FMN2: variants seen among roughly 807,000 people sequenced by gnomAD.
FMN2 encodes the protein formin 2.
Under a neutral mutation model 142.3 loss-of-function variants are expected in FMN2, and 51 were observed. The observed-to-expected ratio is 0.36, with a 90% CI of 0.29 to 0.45. The LOEUF (loss-of-function observed/expected upper bound fraction) is 0.45, where lower values mean the gene tolerates loss of function less well. Among genes scored for constraint, FMN2 ranks in the 20% least tolerant of loss-of-function variants. FMN2 has a pLI of 1.00. For synonymous variants in FMN2, 882 were observed against 869.8 expected (o/e 1.01, Z -0.25); for missense variants, 1,936 against 2,122.8 (o/e 0.91, Z 1.73).
chr1:240,212,425 G>A (rs1397193412), intron 6 of FMN2, among the ~76,000 whole-genome samples: 1 of 152,190 alleles, frequency 6.6e-6, no homozygotes, highest in East Asian at 1.9e-4. Context: ...AATGCTTGTT[G>A]CATTATCACT....
chr1:240,145,136 C>T, intron 2 of FMN2: 1 of 1,484,510 alleles, frequency 6.7e-7, no homozygotes, highest in African/African-American at 1.4e-5. Context: ...ACGAATCTGC[C>T]TTCGCATTTC....
intron 2 of FMN2, among the ~76,000 whole-genome samples, chr1:240,137,400 C>A (rs879617198): frequency 6.6e-6 from 1 of 152,114 alleles, no homozygotes. Context: ...ACGGACAATA[C>A]GCCACTAATA....
At chr1:240,108,963 G>A (rs1017643787) in intron 1 of FMN2, among the ~76,000 whole-genome samples, 1 of 152,128 alleles carries the variant, frequency 6.6e-6, no homozygotes, top group South Asian at 2.1e-4. Context: ...TTGAACCCAG[G>A]AGATGGAGGT....
intron 14 of FMN2, among the ~76,000 whole-genome samples, chr1:240,383,909 A>G (rs1393505245): frequency 6.6e-6 from 1 of 151,690 alleles, no homozygotes; most frequent in Non-Finnish European, 1.5e-5. Context: ...TATATTCTTT[A>G]TATATGGAAT....
chr1:240,466,886 G>A (rs1026104453), intron 16 of FMN2, among the ~76,000 whole-genome samples: 1 of 152,116 alleles, frequency 6.6e-6, no homozygotes, highest in Non-Finnish European at 1.5e-5. Flanking sequence ...AGAAGCCTGC[G>A]ACAACTGAAA....
chr1:240,159,909 A>ATATATATATATATATATATATATCTGTG (rs1558328458), intron 2 of FMN2, among the ~76,000 whole-genome samples: 14 of 78,240 alleles, frequency 1.8e-4, no homozygotes, highest in African/African-American at 1.1e-3. Context: ...ATCTGTGTAT[A>ATATATATATATATATATATATATCTGTG]TATATATATA....
chr1:240,365,572 AT>A (rs1558455031), intron 14 of FMN2, among the ~76,000 whole-genome samples: 2 of 152,156 alleles, frequency 1.3e-5, no homozygotes, highest in Admixed American at 6.6e-5. Context: ...TACACTATTT[AT>A]GTGAGACAGC....
intron 8 of FMN2, among the ~76,000 whole-genome samples, chr1:240,300,634 A>G (rs942844093): frequency 3.6e-4 from 54 of 149,140 alleles, no homozygotes; most frequent in Non-Finnish European, 1.5e-4. Flanking sequence ...ATAAAGAGAC[A>G]TATATAACTT....
intron 14 of FMN2, among the ~76,000 whole-genome samples, chr1:240,384,373 T>A (rs1673341864): frequency 6.6e-6 from 1 of 152,192 alleles, no homozygotes; most frequent in African/African-American, 2.4e-5. Context: ...CTCTTTTGCT[T>A]TGCCTGTTGT....
chr1:240,339,847 A>G (rs1671689912), intron 13 of FMN2, among the ~76,000 whole-genome samples: 1 of 151,870 alleles, frequency 6.6e-6, no homozygotes, highest in South Asian at 2.1e-4. Context: ...TTATTTACAT[A>G]TATATTCTAT....
chr1:240,407,630 A>T (rs968951390), intron 15 of FMN2, among the ~76,000 whole-genome samples: 1 of 152,230 alleles, frequency 6.6e-6, no homozygotes, highest in Non-Finnish European at 1.5e-5. Context: ...ACTTAATACC[A>T]TAACTAACCA....
intron 6 of FMN2, among the ~76,000 whole-genome samples, chr1:240,253,970 A>G (rs1668364260): frequency 6.6e-6 from 1 of 152,152 alleles, no homozygotes; most frequent in African/African-American, 2.4e-5. Flanking sequence ...CCAGTCCTCA[A>G]TCACTGGCAG....
intron 14 of FMN2, among the ~76,000 whole-genome samples, chr1:240,361,141 G>GAAATAAATAAA (rs1558452494): frequency 8.6e-4 from 37 of 43,228 alleles, no homozygotes; most frequent in African/African-American, 5.2e-3. Context: ...AAATATATGT[G>GAAATAAATAAA]TATATATATA....
At chr1:240,208,946 G>A (rs991569619) in intron 5 of FMN2, among the ~76,000 whole-genome samples, 17 of 152,092 alleles carry the variant, frequency 1.1e-4, no homozygotes, top group Non-Finnish European at 1.9e-4. Context: ...ATACATATAC[G>A]TATCAATGTA....
At chr1:240,327,242 C>A (rs1194059616) in intron 8 of FMN2, among the ~76,000 whole-genome samples, 2 of 152,168 alleles carry the variant, frequency 1.3e-5, no homozygotes, top group African/African-American at 2.4e-5. Context: ...ATTCCAAATG[C>A]AAAATTTATG....
chr1:240,177,719 T>C (rs920800656), intron 2 of FMN2: 3 of 381,042 alleles, frequency 7.9e-6, no homozygotes, highest in Non-Finnish European at 1.3e-5. Context: ...CAAATGTGGT[T>C]ATAAAGATAA....
At chr1:240,430,805 C>T (rs1056242880) in intron 15 of FMN2, among the ~76,000 whole-genome samples, 5 of 151,656 alleles carry the variant, frequency 3.3e-5, no homozygotes, top group African/African-American at 9.7e-5. Context: ...GTGCAAATCT[C>T]CTTCCAGGTC....
intron 16 of FMN2, among the ~76,000 whole-genome samples, chr1:240,459,683 C>CTCCAG (rs1251767767): frequency 1.5e-5 from 2 of 131,430 alleles, no homozygotes; most frequent in Non-Finnish European, 3.1e-5. Flanking sequence ...TGCCACTGCA[C>CTCCAG]TCCAGCCTGG....
chr1:240,156,373 A>C (rs1225473253), intron 2 of FMN2, among the ~76,000 whole-genome samples: 1 of 152,218 alleles, frequency 6.6e-6, no homozygotes, highest in Non-Finnish European at 1.5e-5. Context: ...CTACTTCCGA[A>C]AATTTATTTT....
Sources: allele counts gnomAD v4.1 joint callset (sites outside exome capture counted in the v4.1 genomes callset), GRCh38; gene constraint gnomAD v4.1.1; transcripts MANE v1.5; gene names NCBI Gene and HGNC (gene_info 2026-07-23, HGNC 2026-07-21).